CHDH: variants seen among roughly 807,000 people sequenced by gnomAD.
The protein encoded by CHDH is choline dehydrogenase, also known as choline dehydrogenase, mitochondrial.
CHDH carries 43 observed loss-of-function variants against 56.9 expected under a neutral mutation model. The observed-to-expected ratio is 0.76, with a 90% confidence interval of 0.59 to 0.97. The LOEUF (loss-of-function observed/expected upper bound fraction) is 0.97. Among genes scored for constraint, CHDH ranks in the 50% least tolerant of loss-of-function variants. The pLI is 0.00. For synonymous variants in CHDH, 364 were observed against 348.5 expected (o/e 1.04, Z -0.50); for missense variants, 816 against 821.1 (o/e 0.99, Z 0.08).
At position 53,831,218 on chromosome 3, in the gene CHDH, G is replaced by A. The variant is rs528471966; in HGVS notation, c.-59-7151C>T. 9.8e-5 allele frequency among the ~76,000 whole-genome samples: 15 copies of A among 152,358 alleles called. 1 individual carries two copies. The highest frequency in any genetic ancestry group is 3.6e-4 in the African/African-American group (15 of 41,588). On this transcript the variant is annotated intron_variant, in intron 2 of 8. Coordinates refer to ENST00000315251, the MANE Select transcript of CHDH (RefSeq NM_018397.5). Reference sequence around the variant, plus strand: ...AAAAGTGGGAAGGACTGTGTCACATGGTGTGAGTGCCAGCTCAGCTACAGT... The same window carrying A: ...AAAAGTGGGAAGGACTGTGTCACATAGTGTGAGTGCCAGCTCAGCTACAGT...
intron 2 of CHDH, among the ~76,000 whole-genome samples, chr3:53,826,183 C>A: frequency 6.6e-6 from 1 of 151,974 alleles, no homozygotes; most frequent in South Asian, 2.1e-4. Flanking sequence ...TGATTTCTAT[C>A]AACCATTTAA....
rs2095615180 is a variant in CHDH at position 53,816,069 on chromosome 3, T to A, written c.*1708A>T. The A allele has an allele frequency of 6.6e-6, 1 of 151,222 alleles. No individual in the cohort carries two copies. Among genetic ancestry groups the A allele is most frequent in the Non-Finnish European group, 1.5e-5 (1 of 67,994 alleles). The allele number at this position is 151,222 out of a possible 1,614,324, so 9.4% of individuals were successfully genotyped here. On this transcript the variant is annotated 3_prime_UTR_variant, in exon 9 of 9. Coordinates refer to ENST00000315251, the MANE Select transcript of CHDH (RefSeq NM_018397.5). ...AAGATTTTTAAAAGGAGAGGTGTGA[T>A]GGGTTTCTTCCTGCTGCCTCTCTCG...
Position 53,824,076 on chromosome 3 carries a change from G to GC in CHDH, c.-59-10_-59-9insG. On this transcript the variant is annotated splice_polypyrimidine_tract_variant and intron_variant, in intron 2 of 8. Coordinates refer to ENST00000315251, the MANE Select transcript of CHDH (RefSeq NM_018397.5). ...AGATGACTCACTTCTCCCTAAAACA[G>GC]GAAGAGGGGCTTTAAAAATCTTAAC... 15 of 1,355,700 alleles carry GC rather than the reference G, an allele frequency of 1.1e-5. No homozygotes were observed. Among genetic ancestry groups the GC allele is most frequent in the Admixed American group, 3.3e-5 (1 of 30,612 alleles). The allele number at this position is 1,355,700 out of a possible 1,614,324, so 84.0% of individuals were successfully genotyped here.
intron 2 of CHDH, among the ~76,000 whole-genome samples, chr3:53,831,474 C>T (rs1304279255): frequency 3.3e-5 from 5 of 152,254 alleles, no homozygotes; most frequent in Non-Finnish European, 1.5e-5. Flanking sequence ...CCTGTGCTGA[C>T]TTCAGGTCTG....
chr3:53,842,401 G>A (rs116019276), intron 1 of CHDH, among the ~76,000 whole-genome samples: 2,436 of 152,326 alleles, frequency 0.016, 57 homozygotes, highest in African/African-American at 0.054. Context: ...GGGTGACAGG[G>A]TGATCCTCCC....
At position 53,822,471 on chromosome 3, in the gene CHDH, C is replaced by G; in HGVS notation, c.855+20G>C. 12 of 1,596,216 alleles carry G rather than the reference C, an allele frequency of 7.5e-6. No homozygotes were observed. Among genetic ancestry groups the G allele is most frequent in the Non-Finnish European group, 1.0e-5 (12 of 1,167,430 alleles). On this transcript the variant is annotated intron_variant, in intron 4 of 8. Transcript: ENST00000315251. ...ACTGCCCACCCCCTTCTTCCAGGAC[C>G]CCAGCTGCAGTCCACTCACCCTGTG...
rs760627285 is a variant in CHDH, at chr3:53,822,477, T to G, written c.855+14A>C. The G allele has an allele frequency of 6.2e-7, 1 of 1,600,298 alleles. No individual in the cohort carries two copies. Among genetic ancestry groups the G allele is most frequent in the South Asian group, 1.1e-5 (1 of 90,226 alleles). ...CACCCCCTTCTTCCAGGACCCCAGCTGCAGTCCACTCACCCTGTGGCTCTG... is the reference window on the plus strand; with the variant it reads ...CACCCCCTTCTTCCAGGACCCCAGCGGCAGTCCACTCACCCTGTGGCTCTG... On this transcript the variant is annotated intron_variant, in intron 4 of 8. Coordinates refer to ENST00000315251, the MANE Select transcript of CHDH (RefSeq NM_018397.5).
intron 2 of CHDH, among the ~76,000 whole-genome samples, chr3:53,833,495 C>T (rs1698403707): frequency 6.6e-6 from 1 of 152,174 alleles, no homozygotes; most frequent in African/African-American, 2.4e-5. Context: ...GGAAGCAGCC[C>T]CTTCCACTTC....
Position 53,818,947 on chromosome 3 carries a change from A to G in CHDH, c.1357T>C (p.Leu453=), listed in dbSNP as rs2095620807. 3.1e-6 allele frequency: 5 copies of G among 1,609,412 alleles called. No homozygotes were observed. The highest frequency in any genetic ancestry group is 4.3e-6 in the Non-Finnish European group (5 of 1,175,636). The change falls in exon 8 of 9, where the codon TTG becomes CTG. Residue 453 remains leucine (L), a synonymous_variant. Transcript: ENST00000315251. ...QDHPVIQPNY[L]STETDIEDFR... The stretch of plus-strand genomic sequence containing the variant: ...CAGGTGGGTGAAGTACCTGTTGACA[A>G]GTAGTTGGGCTGGATCACAGGGTGG...
chr3:53,823,258 C>A (rs1010271260), intron 3 of CHDH, 48 bp downstream of exon 3: 25 of 1,429,366 alleles, frequency 1.7e-5, no homozygotes, highest in Non-Finnish European at 2.2e-5. Context: ...TGGGTGGGGG[C>A]TGGGGTAGGG....
In CHDH at chr3:53,812,411, A is replaced by C. The variant is rs912525385; in HGVS notation, c.*5366T>G. On this transcript the variant is annotated 3_prime_UTR_variant, in exon 9 of 9. Transcript: ENST00000315251. ...AGTTTGAAAGAACTTGACACTACAG[A>C]AATTTTTCTAAAATATTTTGAGTCA... 6.6e-6 allele frequency: 1 copy of C among 152,240 alleles called. No individual in the cohort carries two copies. Among genetic ancestry groups the C allele is most frequent in the Non-Finnish European group, 1.5e-5 (1 of 68,038 alleles). 9.4% of individuals were successfully genotyped at this position (152,240 alleles called of 1,614,324 possible). A position where few individuals can be genotyped will look rare whatever the true frequency, so the allele number is the denominator to read the frequency against.
chr3:53,821,262 G>T (rs2095625839), intron 5 of CHDH, among the ~76,000 whole-genome samples: 1 of 152,210 alleles, frequency 6.6e-6, no homozygotes, highest in Non-Finnish European at 1.5e-5. Context: ...GCACGGAGCT[G>T]ACCTCATTCA....
At chr3:53,823,240 G>T in intron 3 of CHDH, 66 bp downstream of exon 3, 1 of 1,394,968 alleles carries the variant, frequency 7.2e-7, no homozygotes, top group Non-Finnish European at 9.4e-7. Context: ...TGGAGCCACG[G>T]GCCAAGATGG....
At position 53,816,022 on chromosome 3, in the gene CHDH, T is replaced by TAAGA. The variant is rs1410827151; in HGVS notation, c.*1751_*1754dup. ...GAACAAAAATTTTAAAAAATACAGG[T>TAAGA]AAGATTAAACAAGAGCTGCTTAAGA... On this transcript the variant is annotated 3_prime_UTR_variant, in exon 9 of 9. Transcript: ENST00000315251. The TAAGA allele has an allele frequency of 6.6e-6, 1 of 151,938 alleles. No homozygotes were observed. Among genetic ancestry groups the TAAGA allele is most frequent in the African/African-American group, 2.4e-5 (1 of 41,320 alleles). 9.4% of individuals were successfully genotyped at this position (151,938 alleles called of 1,614,324 possible). A position where few individuals can be genotyped will look rare whatever the true frequency, so the allele number is the denominator to read the frequency against.
At chr3:53,823,105 A>T (rs1291112384) in intron 3 of CHDH, among the ~76,000 whole-genome samples, 1 of 152,074 alleles carries the variant, frequency 6.6e-6, no homozygotes, top group Non-Finnish European at 1.5e-5. Context: ...GCCCAGGGTC[A>T]CCATCCTGGG....
intron 2 of CHDH, among the ~76,000 whole-genome samples, chr3:53,825,348 G>A (rs1002529381): frequency 1.3e-5 from 2 of 151,998 alleles, no homozygotes; most frequent in Admixed American, 6.6e-5. Context: ...CATCAAACAG[G>A]GACTTTAACC....
At chr3:53,818,297 T>TG in intron 8 of CHDH, 102 bp from the exon 9 acceptor site, 1 of 1,110,316 alleles carries the variant, frequency 9.0e-7, no homozygotes. Context: ...TCTGAGGGGA[T>TG]GGTGTTTGGG....
In CHDH at chr3:53,812,839, A is replaced by G. The variant is rs561880513; in HGVS notation, c.*4938T>C. The G allele has an allele frequency of 2.0e-5, 3 of 152,310 alleles. No individual in the cohort carries two copies. Among genetic ancestry groups the G allele is most frequent in the African/African-American group, 7.2e-5 (3 of 41,568 alleles). 9.4% of individuals were successfully genotyped at this position (152,310 alleles called of 1,614,324 possible). A position where few individuals can be genotyped will look rare whatever the true frequency, so the allele number is the denominator to read the frequency against. On this transcript the variant is annotated 3_prime_UTR_variant, in exon 9 of 9. Transcript: ENST00000315251. ...GGATTGGAGTGTCGGGGTCTGTACAAATCGTATTGTTGCCTTTTACAAAAC... is the reference window on the plus strand; with the variant it reads ...GGATTGGAGTGTCGGGGTCTGTACAGATCGTATTGTTGCCTTTTACAAAAC...
intron 2 of CHDH, among the ~76,000 whole-genome samples, chr3:53,835,098 G>A (rs1445398227): frequency 6.6e-6 from 1 of 152,202 alleles, no homozygotes; most frequent in African/African-American, 2.4e-5. Context: ...CCTGCTTACA[G>A]GAATTTAATC....
Sources: gnomAD v4.1 joint callset for allele counts (sites outside exome capture counted in the v4.1 genomes callset) on GRCh38, gnomAD v4.1.1 for gene constraint, MANE v1.5 for transcripts, NCBI Gene and HGNC (gene_info 2026-07-23, HGNC 2026-07-21) for gene names.